AGAP1: variants seen among roughly 807,000 people sequenced by gnomAD.
AGAP1 encodes the protein ArfGAP with GTPase domain, ankyrin repeat and PH domain 1.
Under a neutral mutation model 105.3 loss-of-function variants are expected in AGAP1, and 29 were observed. That is an observed-to-expected ratio of 0.28 (90% CI 0.21 to 0.38). AGAP1 has a LOEUF of 0.38. Ranked by LOEUF, AGAP1 falls within the 10% of genes least tolerant of loss-of-function variation. The probability of loss-of-function intolerance (pLI) is 1.00; values close to 1 mark genes in which losing one functional copy is unlikely to be tolerated. For synonymous variants in AGAP1, 509 were observed against 485.9 expected (o/e 1.05, Z -0.63); for missense variants, 998 against 1,165.1 (o/e 0.86, Z 2.09).
At position 235,719,789 on chromosome 2, in the gene AGAP1, C is replaced by G. The variant is rs1951291659; in HGVS notation, c.310+2145C>G. On this transcript the variant is annotated intron_variant, in intron 3 of 17. Transcript: ENST00000304032. The surrounding 1 kb of genome is among the most constrained non-coding windows in gnomAD (Gnocchi z 4.9). ...CCTCTCACCTTTTGACTCGAGGTCC[C>G]AGGGATTGTTCTGTGGGAGTGTGAG... Among the ~76,000 whole-genome samples the G allele has an allele frequency of 6.6e-6, 1 of 152,168 alleles. No homozygotes were observed.
rs957890687 is a variant in AGAP1 at position 235,553,538 on chromosome 2, A to G, written c.163+58689A>G. On this transcript the variant is annotated intron_variant, in intron 1 of 17. Coordinates refer to ENST00000304032, the MANE Select transcript of AGAP1 (RefSeq NM_001037131.3). The surrounding 1 kb of genome is among the most constrained non-coding windows in gnomAD (Gnocchi z 4.5). ...GCTTCTGCTAGAATCATCATTGTCA[A>G]TATTAAGAAGGCGAGTCCACGCATC... is the stretch of plus-strand genomic sequence containing the variant. 1.3e-5 allele frequency among the ~76,000 whole-genome samples: 2 copies of G among 152,146 alleles called. No homozygotes were observed. The highest frequency in any genetic ancestry group is 4.8e-5 in the African/African-American group (2 of 41,438).
At position 236,078,692 on chromosome 2, in the gene AGAP1, C is replaced by T. The variant is rs1191989496; in HGVS notation, c.2114+29411C>T. Among the ~76,000 whole-genome samples, 10 of 152,194 alleles carry T rather than the reference C, an allele frequency of 6.6e-5. No individual in the cohort carries two copies. Among genetic ancestry groups the T allele is most frequent in the Non-Finnish European group, 1.3e-4 (9 of 68,040 alleles). ...GGTTTCACACACGTCTGTCCCCTAC[C>T]TGGCTCCTGTGGCTGGGTGCTAGAT... is the stretch of plus-strand genomic sequence containing the variant. On this transcript the variant is annotated intron_variant, in intron 16 of 17. Transcript: ENST00000304032. This position sits in a 1 kb window ranked among gnomAD's most constrained non-coding sequence, Gnocchi z 5.3.
intron 1 of AGAP1, among the ~76,000 whole-genome samples, chr2:235,657,130 G>A (rs1008044493): frequency 8.5e-5 from 13 of 152,188 alleles, no homozygotes; most frequent in Non-Finnish European, 1.9e-4. Context: ...GCTTCTTACA[G>A]TTGGAAGCCT....
At chr2:235,897,150 T>G (rs2050845797) in intron 10 of AGAP1, among the ~76,000 whole-genome samples, 1 of 152,168 alleles carries the variant, frequency 6.6e-6, no homozygotes, top group Non-Finnish European at 1.5e-5. Flanking sequence ...TGGCGTGATC[T>G]CAGCTCGCTG....
rs1232937424 is a variant in AGAP1 at position 235,927,076 on chromosome 2, C to T, written c.1325-3689C>T. On this transcript the variant is annotated intron_variant, in intron 11 of 17. Transcript: ENST00000304032. This position sits in a 1 kb window ranked among gnomAD's most constrained non-coding sequence, Gnocchi z 4.4. ...CTGATTGAAAGTTTCACCTTTATCA[C>T]GGTTTGTCCATGTATACACCTTGAT... is the stretch of plus-strand genomic sequence containing the variant. Among the ~76,000 whole-genome samples, 2 of 152,200 alleles carry T rather than the reference C, an allele frequency of 1.3e-5. No individual in the cohort carries two copies. The highest frequency in any genetic ancestry group is 2.9e-5 in the Non-Finnish European group (2 of 68,036).
rs148746323 is a variant in AGAP1, at chr2:235,930,839, G to A, written c.1399G>A (p.Gly467Ser). 61 of 1,614,110 alleles carry A rather than the reference G, an allele frequency of 3.8e-5. No individual in the cohort carries two copies. The highest frequency in any genetic ancestry group is 5.3e-5 in the African/African-American group (4 of 75,030). Residue 467 changes from glycine (G) to serine (S), a missense_variant, in exon 12 of 18, where the codon GGC becomes AGC. By Grantham distance (56) the Gly-to-Ser change is moderately conservative. This residue lies in a region of AGAP1 where 735 missense variants were observed against 833.4 expected (regional missense o/e 0.88). Coordinates refer to ENST00000304032, the MANE Select transcript of AGAP1 (RefSeq NM_001037131.3). This position sits in a 1 kb window ranked among gnomAD's most constrained non-coding sequence, Gnocchi z 7.9. Reference protein sequence around the residue: ...SLVSFNSRPDGMHQRSYSVSS... With the variant: ...SLVSFNSRPDSMHQRSYSVSS... Reference sequence around the variant, plus strand: ...GGTCTCCTTCAACAGCCGACCCGACGGCATGCACCAGCGCTCCTACTCAGT... The same window carrying A: ...GGTCTCCTTCAACAGCCGACCCGACAGCATGCACCAGCGCTCCTACTCAGT...
Position 236,020,647 on chromosome 2 carries a change from A to G in AGAP1, c.1646-15914A>G, listed in dbSNP as rs1330440194. Among the ~76,000 whole-genome samples the G allele has an allele frequency of 6.6e-6, 1 of 152,224 alleles. No individual in the cohort carries two copies. The highest frequency in any genetic ancestry group is 1.9e-4 in the East Asian group (1 of 5,196). ...ACCTTGAAGGGTAATTGAAGAAGAA[A>G]TGAAGTGAAGCCTGTGAAGTGCTTC... On this transcript the variant is annotated intron_variant, in intron 13 of 17. Coordinates refer to ENST00000304032, the MANE Select transcript of AGAP1 (RefSeq NM_001037131.3). This position sits in a 1 kb window ranked among gnomAD's most constrained non-coding sequence, Gnocchi z 5.0.
rs1175780940 is a variant in AGAP1 at position 235,582,599 on chromosome 2, C to CT, written c.163+87753dup. On this transcript the variant is annotated intron_variant, in intron 1 of 17. Transcript: ENST00000304032. This position sits in a 1 kb window ranked among gnomAD's most constrained non-coding sequence, Gnocchi z 4.7. ...GCTTCTCAGATATAAAAGAAGGATT[C>CT]TTTGGGGGAGGACCTATAAATATTT... Among the ~76,000 whole-genome samples, 4 of 152,184 alleles carry CT rather than the reference C, an allele frequency of 2.6e-5. No individual in the cohort carries two copies. The highest frequency in any genetic ancestry group is 2.6e-4 in the Admixed American group (4 of 15,282).
Position 235,967,975 on chromosome 2 carries a change from T to G in AGAP1, c.1484-487T>G, listed in dbSNP as rs751247775. ...CACTGATAATAAAACAAGATGAAGT[T>G]ATAGTCATCTGTAATATTGAGGCCG... On this transcript the variant is annotated intron_variant, in intron 12 of 17. Transcript: ENST00000304032. The surrounding 1 kb of genome is among the most constrained non-coding windows in gnomAD (Gnocchi z 4.7). Among the ~76,000 whole-genome samples, 6 of 152,204 alleles carry G rather than the reference T, an allele frequency of 3.9e-5. No homozygotes were observed. The highest frequency in any genetic ancestry group is 8.8e-5 in the Non-Finnish European group (6 of 68,042).
rs968455562 is a variant in AGAP1 at position 235,553,144 on chromosome 2, G to A, written c.163+58295G>A. Reference sequence around the variant, plus strand: ...CGAAAGCCAGACTTGAGAGACAAGGGTTGGTGGGAGAAACAGCAGGTATAT... The same window carrying A: ...CGAAAGCCAGACTTGAGAGACAAGGATTGGTGGGAGAAACAGCAGGTATAT... On this transcript the variant is annotated intron_variant, in intron 1 of 17. Transcript: ENST00000304032. The surrounding 1 kb of genome is among the most constrained non-coding windows in gnomAD (Gnocchi z 4.5). Among the ~76,000 whole-genome samples, 5 of 152,212 alleles carry A rather than the reference G, an allele frequency of 3.3e-5. No homozygotes were observed. Among genetic ancestry groups the A allele is most frequent in the African/African-American group, 7.2e-5 (3 of 41,450 alleles).
rs957546075 is a variant in AGAP1, at chr2:235,608,253, A to T, written c.164-100926A>T. Among the ~76,000 whole-genome samples the T allele has an allele frequency of 6.6e-6, 1 of 152,196 alleles. No homozygotes were observed. The highest frequency in any genetic ancestry group is 2.4e-5 in the African/African-American group (1 of 41,448). The stretch of plus-strand genomic sequence containing the variant: ...TTGCAGGGAAAGTGTGTTGGCAAAC[A>T]TGCTGGATACTGTCAGAATCAGAGC... On this transcript the variant is annotated intron_variant, in intron 1 of 17. Coordinates refer to ENST00000304032, the MANE Select transcript of AGAP1 (RefSeq NM_001037131.3). This position sits in a 1 kb window ranked among gnomAD's most constrained non-coding sequence, Gnocchi z 5.4.
At position 236,020,004 on chromosome 2, in the gene AGAP1, G is replaced by A. The variant is rs1183489764; in HGVS notation, c.1646-16557G>A. On this transcript the variant is annotated intron_variant, in intron 13 of 17. Transcript: ENST00000304032. This position sits in a 1 kb window ranked among gnomAD's most constrained non-coding sequence, Gnocchi z 5.0. ...TCTTTCACACTGAATCACTGCTCTTGTTTGTATGAGGCAGGCATGGGCGCC... is the reference window on the plus strand; with the variant it reads ...TCTTTCACACTGAATCACTGCTCTTATTTGTATGAGGCAGGCATGGGCGCC... Among the ~76,000 whole-genome samples, 1 of 152,210 alleles carries A rather than the reference G, an allele frequency of 6.6e-6. No individual in the cohort carries two copies. Among genetic ancestry groups the A allele is most frequent in the Non-Finnish European group, 1.5e-5 (1 of 68,040 alleles).
At position 235,594,924 on chromosome 2, in the gene AGAP1, A is replaced by G. The variant is rs575168104; in HGVS notation, c.163+100075A>G. On this transcript the variant is annotated intron_variant, in intron 1 of 17. Coordinates refer to ENST00000304032, the MANE Select transcript of AGAP1 (RefSeq NM_001037131.3). ...TTTTTTTTATGATGTAAAAGTATCA[A>G]CATATTTTTTAAAGAAAGTTTCATC... 3.4e-5 allele frequency among the ~76,000 whole-genome samples: 5 copies of G among 144,950 alleles called. No homozygotes were observed. In the East Asian group the frequency reaches 1.0e-3, roughly 29 times the overall value.
At chr2:235,907,353 C>T (rs1165753957) in intron 10 of AGAP1, among the ~76,000 whole-genome samples, 2 of 151,980 alleles carry the variant, frequency 1.3e-5, no homozygotes, top group Non-Finnish European at 2.9e-5. Context: ...TGCCTGTAAC[C>T]CCAGTGCTTT....
At chr2:235,597,200 C>T (rs550104750) in intron 1 of AGAP1, among the ~76,000 whole-genome samples, 3 of 152,360 alleles carry the variant, frequency 2.0e-5, no homozygotes, top group Non-Finnish European at 4.4e-5. Context: ...TGTGGTTCAG[C>T]GTTGTCACCC....
chr2:235,521,689 T>C (rs941794744), intron 1 of AGAP1, among the ~76,000 whole-genome samples: 16 of 151,980 alleles, frequency 1.1e-4, no homozygotes, highest in African/African-American at 3.9e-4. Flanking sequence ...AACAGGTCTC[T>C]TATTAATAGA....
chr2:236,102,182 C>G (rs1383908106), intron 16 of AGAP1, among the ~76,000 whole-genome samples: 1 of 152,126 alleles, frequency 6.6e-6, no homozygotes, highest in African/African-American at 2.4e-5. Flanking sequence ...CTTTGGGAGG[C>G]CAAGGCGGGC....
intron 6 of AGAP1, among the ~76,000 whole-genome samples, chr2:235,771,999 C>CTTTT (rs961967325): frequency 7.4e-6 from 1 of 135,108 alleles, no homozygotes; most frequent in African/African-American, 2.8e-5. Context: ...CTTTTCTTAT[C>CTTTT]TTTTTTTTTT....
At position 236,014,529 on chromosome 2, in the gene AGAP1, G is replaced by A. The variant is rs543677170; in HGVS notation, c.1646-22032G>A. Among the ~76,000 whole-genome samples the A allele has an allele frequency of 6.6e-5, 10 of 152,246 alleles. No homozygotes were observed. The East Asian group carries it at 1.6e-3, about 24-fold the overall frequency. On this transcript the variant is annotated intron_variant, in intron 13 of 17. Coordinates refer to ENST00000304032, the MANE Select transcript of AGAP1 (RefSeq NM_001037131.3). The surrounding 1 kb of genome is among the most constrained non-coding windows in gnomAD (Gnocchi z 6.3). Reference sequence around the variant, plus strand: ...AGCCACGTGTGAAACCCAGCAGGGCGAAGCAGACTTCTGCGCGTGGGTAGT... The same window carrying A: ...AGCCACGTGTGAAACCCAGCAGGGCAAAGCAGACTTCTGCGCGTGGGTAGT...
Sources: allele counts gnomAD v4.1 joint callset (sites outside exome capture counted in the v4.1 genomes callset), GRCh38; gene constraint gnomAD v4.1.1; regional missense constraint gnomAD v4.1.1; non-coding constraint Gnocchi (gnomAD v3.1); transcripts MANE v1.5; gene names NCBI Gene and HGNC (gene_info 2026-07-23, HGNC 2026-07-21).